Variants in CNTNAP5 observed in about 807,000 individuals in gnomAD.
The protein encoded by CNTNAP5 is contactin-associated protein-like 5.
A neutral mutation model predicts 150.2 loss-of-function variants in CNTNAP5; 72 were observed. The ratio of observed to expected loss-of-function variants is 0.48; its 90% confidence interval spans 0.40 to 0.58. The LOEUF is 0.58. CNTNAP5 is among the 20% of genes least tolerant of loss of function. The probability of loss-of-function intolerance (pLI) is 0.00; values close to 1 mark genes in which losing one functional copy is unlikely to be tolerated. For missense variants in CNTNAP5, 1,636 were observed against 1,626.2 expected (o/e 1.01, Z -0.10); for synonymous variants, 672 against 619.8 (o/e 1.08, Z -1.25).
intron 3 of CNTNAP5, among the ~76,000 whole-genome samples, chr2:124,356,766 T>C (rs1690021696): frequency 6.6e-6 from 1 of 151,864 alleles, no homozygotes; most frequent in Non-Finnish European, 1.5e-5. Context: ...ACAATAAACA[T>C]ACGTGTGCAT....
At chr2:124,810,226 G>A (rs1270895948) in intron 19 of CNTNAP5, among the ~76,000 whole-genome samples, 2 of 152,112 alleles carry the variant, frequency 1.3e-5, no homozygotes, top group Non-Finnish European at 2.9e-5. Context: ...ATATAGTTCT[G>A]GGAGAGGTCA....
intron 2 of CNTNAP5, 138 bp downstream of exon 2, chr2:124,221,947 G>A: frequency 1.6e-6 from 1 of 627,148 alleles, no homozygotes; most frequent in South Asian, 1.9e-5. Context: ...GGAGAGGAGT[G>A]AAAATCTAAT....
chr2:124,305,111 C>CAAAAAAAAAAAA lies in CNTNAP5; in HGVS notation c.381+62728_381+62739dup, dbSNP rs57896748. Among the ~76,000 whole-genome samples, 380 of 85,936 alleles carry CAAAAAAAAAAAA rather than the reference C, an allele frequency of 4.4e-3. 1 individual carries two copies. The highest frequency in any genetic ancestry group is 6.0e-3 in the Non-Finnish European group (274 of 45,602). The allele number at this position is 85,936 out of a possible 152,430, so 56.4% of individuals were successfully genotyped here. ...TGAAACTCCATCTGTACAAAAAATACAAAAAAAAAAAAAAAAAAAAAGTGG... is the reference window on the plus strand; with the variant it reads ...TGAAACTCCATCTGTACAAAAAATACAAAAAAAAAAAAAAAAAAAAAAAAAAAAAAAAAGTGG... On this transcript the variant is annotated intron_variant, in intron 3 of 23. Coordinates refer to ENST00000682447, the MANE Select transcript of CNTNAP5 (RefSeq NM_001367498.1).
intron 3 of CNTNAP5, among the ~76,000 whole-genome samples, chr2:124,312,113 C>A (rs1224599849): frequency 2.0e-5 from 3 of 152,136 alleles, no homozygotes; most frequent in Non-Finnish European, 4.4e-5. Flanking sequence ...AGTAGGTGAC[C>A]CAGTGTGAGC....
chr2:124,586,842 T>C (rs1167803561), intron 11 of CNTNAP5, among the ~76,000 whole-genome samples: 2 of 152,224 alleles, frequency 1.3e-5, no homozygotes, highest in Non-Finnish European at 2.9e-5. Flanking sequence ...GAGACTCTGA[T>C]ACTGAAATAA....
chr2:124,856,951 G>A (rs1049078257), intron 19 of CNTNAP5, among the ~76,000 whole-genome samples: 1 of 152,184 alleles, frequency 6.6e-6, no homozygotes, highest in Non-Finnish European at 1.5e-5. Context: ...AACCTGCAGG[G>A]AGGCACTGGT....
chr2:124,250,687 A>G (rs1353056635), intron 3 of CNTNAP5, among the ~76,000 whole-genome samples: 3 of 152,040 alleles, frequency 2.0e-5, no homozygotes. Flanking sequence ...CTGATGCCCA[A>G]AGAAAAGGAC....
intron 1 of CNTNAP5, among the ~76,000 whole-genome samples, chr2:124,039,559 G>A (rs1443946485): frequency 6.6e-6 from 1 of 152,150 alleles, no homozygotes; most frequent in Admixed American, 6.5e-5. Context: ...GTGAGTAGAA[G>A]TGATGAAAGT....
chr2:124,212,471 A>G (rs1259001071), intron 1 of CNTNAP5, among the ~76,000 whole-genome samples: 3 of 152,250 alleles, frequency 2.0e-5, no homozygotes, highest in African/African-American at 7.2e-5. Flanking sequence ...TATAAAACCC[A>G]CCAAACTATT....
intron 11 of CNTNAP5, among the ~76,000 whole-genome samples, chr2:124,605,744 G>A (rs752027405): frequency 1.1e-4 from 16 of 148,874 alleles, no homozygotes; most frequent in African/African-American, 1.5e-4. Flanking sequence ...TGGACCTGGC[G>A]GAGGTTGCAG....
chr2:124,101,660 C>G (rs1217941521), intron 1 of CNTNAP5, among the ~76,000 whole-genome samples: 1 of 152,182 alleles, frequency 6.6e-6, no homozygotes, highest in East Asian at 1.9e-4. Flanking sequence ...AAAACATCTG[C>G]AAGTTAAAAG....
intron 21 of CNTNAP5, among the ~76,000 whole-genome samples, chr2:124,885,994 T>C (rs549707113): frequency 1.3e-5 from 2 of 152,130 alleles, no homozygotes; most frequent in South Asian, 2.1e-4. Flanking sequence ...TGGGAGGGGA[T>C]TTGTTGCCTT....
chr2:124,377,424 G>A (rs1440590094), intron 3 of CNTNAP5, among the ~76,000 whole-genome samples: 1 of 151,980 alleles, frequency 6.6e-6, no homozygotes, highest in Non-Finnish European at 1.5e-5. Flanking sequence ...AATCAAAAAT[G>A]GGCCTGTGGG....
At chr2:124,711,281 A>G (rs919568166) in intron 13 of CNTNAP5, among the ~76,000 whole-genome samples, 2 of 146,238 alleles carry the variant, frequency 1.4e-5, no homozygotes, top group African/African-American at 4.9e-5. Flanking sequence ...AAAAATAAAA[A>G]ATAATAATAA....
intron 19 of CNTNAP5, among the ~76,000 whole-genome samples, chr2:124,800,140 G>T (rs1270301485): frequency 1.3e-5 from 2 of 152,118 alleles, no homozygotes; most frequent in Non-Finnish European, 2.9e-5. Flanking sequence ...CAGAATGCAG[G>T]TTTCCCAATA....
At chr2:124,380,094 A>G (rs142862379) in intron 3 of CNTNAP5, among the ~76,000 whole-genome samples, 1 of 152,270 alleles carries the variant, frequency 6.6e-6, no homozygotes. Flanking sequence ...ATTTACTGTT[A>G]TAATTAATCA....
At chr2:124,832,352 A>G (rs1206820984) in intron 19 of CNTNAP5, among the ~76,000 whole-genome samples, 1 of 152,138 alleles carries the variant, frequency 6.6e-6, no homozygotes, top group African/African-American at 2.4e-5. Flanking sequence ...AATAATACAC[A>G]TACATATGCA....
intron 21 of CNTNAP5, among the ~76,000 whole-genome samples, chr2:124,896,690 C>A (rs532096793): frequency 1.3e-5 from 2 of 151,466 alleles, no homozygotes; most frequent in South Asian, 2.1e-4. Context: ...AGGTGTGCAC[C>A]ACCATGTCCC....
chr2:124,669,214 G>C (rs2105054812), intron 13 of CNTNAP5, among the ~76,000 whole-genome samples: 1 of 152,200 alleles, frequency 6.6e-6, no homozygotes, highest in East Asian at 1.9e-4. Context: ...CCTGCATTTG[G>C]GAGATATTAA....
Sources: allele counts gnomAD v4.1 joint callset (sites outside exome capture counted in the v4.1 genomes callset), GRCh38; gene constraint gnomAD v4.1.1; transcripts MANE v1.5; gene names NCBI Gene and HGNC (gene_info 2026-07-23, HGNC 2026-07-21).